Variants in CDH13 observed in about 807,000 individuals in gnomAD.
The protein encoded by CDH13 is cadherin 13, also known as cadherin-13.
A neutral mutation model predicts 63.8 loss-of-function variants in CDH13; 24 were observed. The observed-to-expected ratio is 0.38, with a 90% confidence interval of 0.27 to 0.53. CDH13 has a LOEUF of 0.53. Among genes scored for constraint, CDH13 ranks in the 20% least tolerant of loss-of-function variants. The pLI is 0.85. For synonymous variants in CDH13, 503 were observed against 355.3 expected, an observed-to-expected ratio of 1.42 and a Z score of -4.67; for missense variants, 1,049 against 903.1, an observed-to-expected ratio of 1.16 and a Z score of -2.07.
chr16:83,545,093 G>T (rs997532317), intron 7 of CDH13, among the ~76,000 whole-genome samples: 3 of 152,096 alleles, frequency 2.0e-5, no homozygotes, highest in Non-Finnish European at 1.5e-5. Flanking sequence ...TAACTCACAA[G>T]CCCATTGTTA....
intron 7 of CDH13, among the ~76,000 whole-genome samples, chr16:83,547,670 C>T (rs921163302): frequency 5.9e-5 from 9 of 152,270 alleles, no homozygotes; most frequent in South Asian, 4.1e-4. Context: ...ATGGTATATA[C>T]GTACCACATT....
intron 4 of CDH13, among the ~76,000 whole-genome samples, chr16:83,166,244 A>G (rs988680313): frequency 1.2e-4 from 19 of 152,266 alleles, no homozygotes; most frequent in African/African-American, 4.6e-4. Flanking sequence ...CTGCTCTGGT[A>G]CAATTGAGGT....
chr16:83,702,313 T>C (rs1598514982), intron 10 of CDH13, among the ~76,000 whole-genome samples: 1 of 152,214 alleles, frequency 6.6e-6, no homozygotes, highest in East Asian at 1.9e-4. Flanking sequence ...TCTCAATGGC[T>C]TAACACAAAA....
chr16:83,718,931 C>T (rs753996399), intron 10 of CDH13, among the ~76,000 whole-genome samples: 1 of 152,200 alleles, frequency 6.6e-6, no homozygotes, highest in African/African-American at 2.4e-5. Context: ...TGCTGATTCT[C>T]ATCGCATTCA....
At chr16:82,905,162 A>G (rs779658617) in intron 2 of CDH13, among the ~76,000 whole-genome samples, 36 of 152,156 alleles carry the variant, frequency 2.4e-4, no homozygotes, top group Non-Finnish European at 1.3e-4. Context: ...CAGTTCTGTA[A>G]CCATCCGGTG....
intron 2 of CDH13, among the ~76,000 whole-genome samples, chr16:82,882,505 C>A (rs2040740296): frequency 1.3e-5 from 2 of 152,200 alleles, no homozygotes; most frequent in Admixed American, 6.5e-5. Flanking sequence ...GAACCATGGT[C>A]ACCGCTGCAG....
At chr16:83,238,584 A>G (rs1274338920) in intron 5 of CDH13, among the ~76,000 whole-genome samples, 1 of 152,088 alleles carries the variant, frequency 6.6e-6, no homozygotes, top group Non-Finnish European at 1.5e-5. Flanking sequence ...TGTGTGATGG[A>G]TTTCTATGTC....
intron 6 of CDH13, among the ~76,000 whole-genome samples, chr16:83,425,192 C>T (rs755654874): frequency 6.6e-5 from 10 of 152,156 alleles, no homozygotes; most frequent in African/African-American, 1.9e-4. Flanking sequence ...ACAGCTGGAA[C>T]GTAAATTGGA....
chr16:83,026,435 G>A (rs751331849), intron 2 of CDH13, among the ~76,000 whole-genome samples: 4 of 152,154 alleles, frequency 2.6e-5, no homozygotes, highest in African/African-American at 9.6e-5. Flanking sequence ...TATATTTATA[G>A]ACTGTGCATT....
chr16:83,509,649 A>G (rs1255574608), intron 7 of CDH13, among the ~76,000 whole-genome samples: 2 of 152,242 alleles, frequency 1.3e-5, no homozygotes, highest in Admixed American at 1.3e-4. Context: ...AGAAGAAAAC[A>G]TATAAAGGCA....
intron 1 of CDH13, among the ~76,000 whole-genome samples, chr16:82,638,836 T>TGTGTGTGTGTGCGCGCGCGCG (rs1909025478): frequency 4.0e-5 from 2 of 50,008 alleles, no homozygotes; most frequent in Non-Finnish European, 5.9e-5. Flanking sequence ...GTGTGTGCGT[T>TGTGTGTGTGTGCGCGCGCGCG]TGTGTGCATG....
At chr16:82,991,512 C>A (rs1244761457) in intron 2 of CDH13, among the ~76,000 whole-genome samples, 1 of 152,152 alleles carries the variant, frequency 6.6e-6, no homozygotes, top group African/African-American at 2.4e-5. Flanking sequence ...TCATCTCTTT[C>A]CTGCCCAAGT....
chr16:83,493,112 A>G (rs2074055231), intron 7 of CDH13, among the ~76,000 whole-genome samples: 1 of 152,166 alleles, frequency 6.6e-6, no homozygotes, highest in South Asian at 2.1e-4. Flanking sequence ...CACAATCCCA[A>G]TCTCATTGGC....
intron 6 of CDH13, among the ~76,000 whole-genome samples, chr16:83,442,275 G>A (rs927407636): frequency 1.3e-5 from 2 of 152,190 alleles, no homozygotes; most frequent in African/African-American, 4.8e-5. Flanking sequence ...ATGAACTTCA[G>A]GATCCCATCA....
chr16:83,667,284 C>T (rs759301096), intron 8 of CDH13, among the ~76,000 whole-genome samples: 3 of 152,152 alleles, frequency 2.0e-5, no homozygotes, highest in East Asian at 3.8e-4. Flanking sequence ...TATTCTATAC[C>T]AGCCCCTTCA....
chr16:82,843,441 A>G (rs2039117164), intron 1 of CDH13, among the ~76,000 whole-genome samples: 1 of 152,240 alleles, frequency 6.6e-6, no homozygotes, highest in African/African-American at 2.4e-5. Context: ...AAAGACATGT[A>G]TTCATATACT....
At chr16:83,041,633 CCT>C (rs1302626035) in intron 3 of CDH13, among the ~76,000 whole-genome samples, 6 of 152,184 alleles carry the variant, frequency 3.9e-5, no homozygotes, top group East Asian at 1.9e-4. Context: ...CTAATTGCCC[CCT>C]GTTTCTACAC....
chr16:83,499,356 C>T (rs1388851086), intron 7 of CDH13, among the ~76,000 whole-genome samples: 1 of 152,164 alleles, frequency 6.6e-6, no homozygotes, highest in Admixed American at 6.5e-5. Flanking sequence ...AGGAGTGGTC[C>T]TGTTGGGACT....
At chr16:83,372,576 A>T (rs908690246) in intron 6 of CDH13, among the ~76,000 whole-genome samples, 1 of 151,662 alleles carries the variant, frequency 6.6e-6, no homozygotes, top group African/African-American at 2.4e-5. Flanking sequence ...ACATGGTGAA[A>T]CCCCATCTCT....
Sources: gnomAD v4.1 joint callset for allele counts (sites outside exome capture counted in the v4.1 genomes callset) on GRCh38, gnomAD v4.1.1 for gene constraint, MANE v1.5 for transcripts, NCBI Gene and HGNC (gene_info 2026-07-23, HGNC 2026-07-21) for gene names.